The following HHAT variants were observed in gnomAD, a reference collection of about 807,000 sequenced individuals.
The protein encoded by HHAT is protein-cysteine N-palmitoyltransferase HHAT.
HHAT carries 47 observed loss-of-function variants against 70.8 expected under a neutral mutation model. The observed-to-expected ratio is 0.66, with a 90% CI of 0.53 to 0.85. The LOEUF (loss-of-function observed/expected upper bound fraction) is 0.85. Ranked by LOEUF, HHAT falls within the 40% of genes least tolerant of loss-of-function variation. The pLI, the probability that HHAT is intolerant of heterozygous loss-of-function variation, is 0.00. For missense variants in HHAT, 609 were observed against 604.8 expected (o/e 1.01, Z -0.07); for synonymous variants, 228 against 247.6 (o/e 0.92, Z 0.74).
intron 9 of HHAT, among the ~76,000 whole-genome samples, chr1:210,574,202 A>G (rs752956017): frequency 2.0e-5 from 3 of 152,158 alleles, no homozygotes; most frequent in Non-Finnish European, 4.4e-5. Flanking sequence ...AAAGGGTGAG[A>G]TTGGCTGGGG....
intron 6 of HHAT, among the ~76,000 whole-genome samples, chr1:210,417,913 G>T (rs921501418): frequency 1.3e-5 from 2 of 152,060 alleles, no homozygotes; most frequent in Non-Finnish European, 2.9e-5. Context: ...ACGTGTCTTT[G>T]GCTCTTGGCA....
At chr1:210,493,231 C>G (rs908228082) in intron 8 of HHAT, among the ~76,000 whole-genome samples, 1 of 152,010 alleles carries the variant, frequency 6.6e-6, no homozygotes, top group East Asian at 1.9e-4. Context: ...ATAGGTTGCA[C>G]TCACATGTAT....
At chr1:210,352,107 T>C (rs896757772) in intron 2 of HHAT, among the ~76,000 whole-genome samples, 3 of 152,110 alleles carry the variant, frequency 2.0e-5, no homozygotes, top group Non-Finnish European at 2.9e-5. Flanking sequence ...ACAACTCTAC[T>C]TCTTGTGTTG....
At position 210,513,587 on chromosome 1, in the gene HHAT, C is replaced by A. The variant is rs368816796; in HGVS notation, c.1043+399C>A. Among the ~76,000 whole-genome samples the A allele has an allele frequency of 4.6e-4, 70 of 152,288 alleles. 1 individual carries two copies. In the South Asian group the frequency reaches 0.012, roughly 27 times the overall value. The stretch of plus-strand genomic sequence containing the variant: ...CAGTTGCTTTATAGTTGTGAAGATA[C>A]AACCTTGTTCATAATTGAAAGAGAT... On this transcript the variant is annotated intron_variant, in intron 9 of 11. Transcript: ENST00000261458.
chr1:210,431,243 C>G (rs1388355675), intron 7 of HHAT, among the ~76,000 whole-genome samples: 1 of 151,722 alleles, frequency 6.6e-6, no homozygotes, highest in Non-Finnish European at 1.5e-5. Flanking sequence ...CTTTGGAAAT[C>G]TGGATTTATG....
At chr1:210,390,435 TA>T (rs2091381696) in intron 4 of HHAT, among the ~76,000 whole-genome samples, 1 of 151,696 alleles carries the variant, frequency 6.6e-6, no homozygotes, top group Non-Finnish European at 1.5e-5. Flanking sequence ...ACTCTAAGTT[TA>T]TTTGCTTCAA....
intron 9 of HHAT, among the ~76,000 whole-genome samples, chr1:210,527,007 G>A (rs187326371): frequency 2.6e-5 from 4 of 152,058 alleles, no homozygotes; most frequent in Admixed American, 2.0e-4. Flanking sequence ...TAAATCCCTC[G>A]GAATTTCCTG....
At chr1:210,451,012 G>A (rs112598782) in intron 7 of HHAT, among the ~76,000 whole-genome samples, 12,457 of 151,154 alleles carry the variant, frequency 0.082, 665 homozygotes, top group Middle Eastern at 0.13. Context: ...GTGTGAACCC[G>A]GGAGGTGGAG....
intron 6 of HHAT, among the ~76,000 whole-genome samples, chr1:210,416,258 G>A (rs1329167601): frequency 6.6e-6 from 1 of 152,242 alleles, no homozygotes; most frequent in Non-Finnish European, 1.5e-5. Context: ...GGAGAGAGAA[G>A]CTAAGGAGGT....
At chr1:210,508,158 C>T (rs1485218810) in intron 8 of HHAT, among the ~76,000 whole-genome samples, 1 of 143,434 alleles carries the variant, frequency 7.0e-6, no homozygotes, top group Non-Finnish European at 1.5e-5. Flanking sequence ...GAGATCATGC[C>T]ACTGCACTCC....
intron 11 of HHAT, among the ~76,000 whole-genome samples, chr1:210,648,628 A>G (rs989554661): frequency 6.7e-6 from 1 of 149,282 alleles, no homozygotes; most frequent in African/African-American, 2.4e-5. Context: ...CCCTAAATTT[A>G]TATACACTTA....
chr1:210,642,026 A>G (rs1206156679), intron 11 of HHAT, among the ~76,000 whole-genome samples: 1 of 152,090 alleles, frequency 6.6e-6, no homozygotes, highest in Non-Finnish European at 1.5e-5. Context: ...ATTTTTTTAA[A>G]TTTGTCACTG....
intron 5 of HHAT, among the ~76,000 whole-genome samples, chr1:210,401,596 C>G (rs1223394317): frequency 6.6e-6 from 1 of 152,228 alleles, no homozygotes; most frequent in Non-Finnish European, 1.5e-5. Flanking sequence ...ACACTGGGCT[C>G]AAACCTCACT....
chr1:210,445,785 G>A (rs895986010), intron 7 of HHAT, among the ~76,000 whole-genome samples: 3 of 152,064 alleles, frequency 2.0e-5, no homozygotes, highest in African/African-American at 7.2e-5. Context: ...CCTGCCACCT[G>A]CCCCACCCTT....
intron 7 of HHAT, among the ~76,000 whole-genome samples, chr1:210,431,151 C>T (rs937203012): frequency 6.6e-6 from 1 of 151,830 alleles, no homozygotes; most frequent in African/African-American, 2.4e-5. Context: ...CTGCCAGGTG[C>T]TTGGAGTTGT....
intron 10 of HHAT, among the ~76,000 whole-genome samples, chr1:210,601,956 A>AGAGAGAGTGT (rs374229402): frequency 1.1e-5 from 1 of 91,080 alleles, no homozygotes; most frequent in African/African-American, 3.6e-5. Flanking sequence ...AGAGAGAGAG[A>AGAGAGAGTGT]GTATGTGTGT....
chr1:210,450,528 G>T (rs1328940984), intron 7 of HHAT, among the ~76,000 whole-genome samples: 6 of 150,832 alleles, frequency 4.0e-5, no homozygotes, highest in Non-Finnish European at 8.8e-5. Flanking sequence ...ATGGAGTCTT[G>T]CTCTGTTGCC....
intron 11 of HHAT, among the ~76,000 whole-genome samples, chr1:210,631,743 G>A (rs1670905785): frequency 6.6e-6 from 1 of 152,236 alleles, no homozygotes; most frequent in South Asian, 2.1e-4. Context: ...GCTGGCTGTG[G>A]TTCTTGTCTT....
intron 9 of HHAT, among the ~76,000 whole-genome samples, chr1:210,536,379 C>T (rs559688180): frequency 5.3e-5 from 8 of 152,240 alleles, no homozygotes; most frequent in Non-Finnish European, 8.8e-5. Context: ...TTTGTCTGAA[C>T]AGAATGCAGC....
Sources: allele counts gnomAD v4.1 joint callset (sites outside exome capture counted in the v4.1 genomes callset), GRCh38; gene constraint gnomAD v4.1.1; transcripts MANE v1.5; gene names NCBI Gene and HGNC (gene_info 2026-07-23, HGNC 2026-07-21).